EHBP1: variants seen among roughly 807,000 people sequenced by gnomAD.
EHBP1 encodes EH domain-binding protein 1.
In EHBP1, 55 loss-of-function variants were observed where a neutral mutation model predicts 144.0. The ratio of observed to expected loss-of-function variants is 0.38; its 90% CI spans 0.31 to 0.48. The LOEUF (loss-of-function observed/expected upper bound fraction) is 0.48, where lower values mean the gene tolerates loss of function less well. Among genes scored for constraint, EHBP1 ranks in the 20% least tolerant of loss-of-function variants. EHBP1 has a pLI of 0.98. For synonymous variants in EHBP1, 469 were observed against 472.7 expected (o/e 0.99, Z 0.10); for missense variants, 1,200 against 1,364.2 (o/e 0.88, Z 1.90).
intron 1 of EHBP1, among the ~76,000 whole-genome samples, chr2:62,680,481 T>G (rs1034783263): frequency 1.3e-5 from 2 of 152,160 alleles, no homozygotes; most frequent in Non-Finnish European, 2.9e-5. Flanking sequence ...AAATTGAACT[T>G]CTGATTCCCA....
chr2:62,956,125 A>T (rs1372675530), intron 14 of EHBP1: 1 of 152,406 alleles, frequency 6.6e-6, no homozygotes. Flanking sequence ...AAGGTCACAG[A>T]GTCAATAAAT....
chr2:62,864,117 G>C (rs945950907), intron 8 of EHBP1, among the ~76,000 whole-genome samples: 4 of 151,696 alleles, frequency 2.6e-5, no homozygotes, highest in African/African-American at 9.7e-5. Context: ...CAAAGAGTTG[G>C]GATTACAGGT....
chr2:63,018,259 T>C (rs1379669707), intron 19 of EHBP1, among the ~76,000 whole-genome samples: 1 of 152,250 alleles, frequency 6.6e-6, no homozygotes, highest in Non-Finnish European at 1.5e-5. Flanking sequence ...ACTGGTAATT[T>C]AATTCTTGTC....
intron 21 of EHBP1, chr2:63,043,802 A>G (rs914402891): frequency 5.9e-5 from 9 of 151,946 alleles, no homozygotes; most frequent in African/African-American, 2.2e-4. Flanking sequence ...GAGTTTTAAC[A>G]TGATTGCCCA....
At chr2:62,857,275 T>TA (rs2049135364) in intron 7 of EHBP1, among the ~76,000 whole-genome samples, 1 of 152,170 alleles carries the variant, frequency 6.6e-6, no homozygotes, top group South Asian at 2.1e-4. Flanking sequence ...CTGTAGGTAT[T>TA]TGTTAAGTCT....
At chr2:62,832,626 A>T (rs1382767276) in intron 7 of EHBP1, among the ~76,000 whole-genome samples, 1 of 151,942 alleles carries the variant, frequency 6.6e-6, no homozygotes, top group Non-Finnish European at 1.5e-5. Flanking sequence ...TATATCTGTT[A>T]TAGTGATCTA....
intron 3 of EHBP1, among the ~76,000 whole-genome samples, chr2:62,755,177 C>T (rs2040161997): frequency 6.6e-6 from 1 of 152,196 alleles, no homozygotes; most frequent in Non-Finnish European, 1.5e-5. Context: ...GTTCCCAACC[C>T]TCAGAGGTGA....
At chr2:62,749,919 T>C (rs1022582371) in intron 3 of EHBP1, among the ~76,000 whole-genome samples, 3 of 152,124 alleles carry the variant, frequency 2.0e-5, no homozygotes, top group African/African-American at 4.8e-5. Context: ...AAAATTTTCT[T>C]CCATTCTGTA....
chr2:63,035,544 G>C (rs2061413085), intron 19 of EHBP1, among the ~76,000 whole-genome samples: 1 of 152,054 alleles, frequency 6.6e-6, no homozygotes, highest in Non-Finnish European at 1.5e-5. Context: ...TAATTTAAGA[G>C]TAGGCTGATT....
intron 10 of EHBP1, among the ~76,000 whole-genome samples, chr2:62,879,033 A>T (rs903603749): frequency 1.3e-5 from 2 of 151,764 alleles, no homozygotes; most frequent in South Asian, 2.1e-4. Context: ...AAAAAAAAAC[A>T]AAAAACTACA....
intron 19 of EHBP1, among the ~76,000 whole-genome samples, chr2:62,999,562 T>C (rs770422680): frequency 7.9e-5 from 12 of 152,234 alleles, no homozygotes; most frequent in Non-Finnish European, 1.6e-4. Context: ...AGTTATTTCC[T>C]GTAAGTGGAA....
intron 7 of EHBP1, among the ~76,000 whole-genome samples, chr2:62,845,877 C>T (rs575081256): frequency 7.2e-5 from 11 of 152,122 alleles, no homozygotes; most frequent in Middle Eastern, 6.8e-3. Context: ...AAAACTGCCT[C>T]TGTTATGTAG....
intron 1 of EHBP1, among the ~76,000 whole-genome samples, chr2:62,676,317 A>G (rs1023564662): frequency 6.6e-6 from 1 of 152,238 alleles, no homozygotes; most frequent in East Asian, 1.9e-4. Flanking sequence ...CAGATGTAAA[A>G]TATTTCATTT....
At chr2:62,853,789 C>T (rs1364750061) in intron 7 of EHBP1, among the ~76,000 whole-genome samples, 1 of 152,226 alleles carries the variant, frequency 6.6e-6, no homozygotes, top group Non-Finnish European at 1.5e-5. Context: ...TGTACATCTC[C>T]ATCACAGCTC....
chr2:62,825,878 C>T (rs1048664059), intron 5 of EHBP1, among the ~76,000 whole-genome samples: 2 of 151,954 alleles, frequency 1.3e-5, no homozygotes, highest in South Asian at 2.1e-4. Flanking sequence ...CCTGGGTTAC[C>T]GCTTTCCAAT....
chr2:62,958,625 G>A (rs1255250191), intron 14 of EHBP1, among the ~76,000 whole-genome samples: 1 of 152,066 alleles, frequency 6.6e-6, no homozygotes, highest in African/African-American at 2.4e-5. Flanking sequence ...GATTACACAG[G>A]TATATACATT....
intron 5 of EHBP1, among the ~76,000 whole-genome samples, chr2:62,774,063 A>G (rs2041885687): frequency 6.6e-6 from 1 of 151,774 alleles, no homozygotes. Context: ...TGTCTGTATT[A>G]CCATCTGTGG....
intron 3 of EHBP1, among the ~76,000 whole-genome samples, chr2:62,756,348 G>A (rs191900288): frequency 1.5e-4 from 23 of 152,246 alleles, no homozygotes; most frequent in Non-Finnish European, 2.4e-4. Flanking sequence ...TGAATTTTCC[G>A]TTTGTAATGC....
intron 10 of EHBP1, among the ~76,000 whole-genome samples, chr2:62,895,223 G>T (rs1240046325): frequency 6.6e-6 from 1 of 152,100 alleles, no homozygotes; most frequent in African/African-American, 2.4e-5. Context: ...GTATGCATTT[G>T]TCAAAACTTG....
Sources: gnomAD v4.1 joint callset for allele counts (sites outside exome capture counted in the v4.1 genomes callset) on GRCh38, gnomAD v4.1.1 for gene constraint, MANE v1.5 for transcripts, NCBI Gene and HGNC (gene_info 2026-07-23, HGNC 2026-07-21) for gene names.